Variants in CNPY1 observed in about 807,000 individuals in gnomAD.
CNPY1 encodes canopy FGF signaling regulator 1, also known as protein canopy homolog 1.
A neutral mutation model predicts 14.4 loss-of-function variants in CNPY1; 14 were observed. The ratio of observed to expected loss-of-function variants is 0.97; its 90% CI spans 0.64 to 1.52. The LOEUF (loss-of-function observed/expected upper bound fraction) is 1.52, where lower values mean the gene tolerates loss of function less well. Among genes scored for constraint, CNPY1 ranks in the 40% most tolerant of loss-of-function variants. The probability of loss-of-function intolerance (pLI) is 0.00; values close to 1 mark genes in which losing one functional copy is unlikely to be tolerated. For synonymous variants in CNPY1, 43 were observed against 46.5 expected (o/e 0.92, Z 0.31); for missense variants, 129 against 131.5 (o/e 0.98, Z 0.09).
At chr7:155,527,698 C>T (rs372143396) in intron 2 of CNPY1, among the ~76,000 whole-genome samples, 9 of 152,040 alleles carry the variant, frequency 5.9e-5, no homozygotes, top group African/African-American at 1.9e-4. Context: ...GCTATCCTCC[C>T]GCCTTGGCCT....
chr7:155,518,865 C>G (rs932041909), intron 2 of CNPY1, among the ~76,000 whole-genome samples: 8 of 152,164 alleles, frequency 5.3e-5, no homozygotes, highest in African/African-American at 1.9e-4. Flanking sequence ...TGCGCAGGCA[C>G]ATGCCAGCCA....
intron 2 of CNPY1, among the ~76,000 whole-genome samples, chr7:155,512,039 G>A (rs1244590834): frequency 6.6e-6 from 1 of 152,106 alleles, no homozygotes; most frequent in Non-Finnish European, 1.5e-5. Flanking sequence ...GGCCAATAAG[G>A]ATTGGGACAA....
intron 2 of CNPY1, among the ~76,000 whole-genome samples, chr7:155,523,824 A>G (rs779056187): frequency 5.9e-5 from 9 of 152,190 alleles, no homozygotes; most frequent in Non-Finnish European, 7.3e-5. Context: ...ATGAGATCAT[A>G]TTAGGATAGG....
intron 2 of CNPY1, among the ~76,000 whole-genome samples, chr7:155,524,526 A>G (rs553353298): frequency 6.6e-6 from 1 of 152,266 alleles, no homozygotes; most frequent in Non-Finnish European, 1.5e-5. Flanking sequence ...TAGGAGTGTG[A>G]ACCCTATTGT....
intron 2 of CNPY1, among the ~76,000 whole-genome samples, chr7:155,520,428 C>CTTTTTTTTTTT (rs71522007): frequency 1.4e-4 from 10 of 69,398 alleles, no homozygotes; most frequent in African/African-American, 1.9e-4. Context: ...TTCTTTCTTT[C>CTTTTTTTTTTT]TTTTTTTTTT....
intron 2 of CNPY1, among the ~76,000 whole-genome samples, chr7:155,524,294 TACGA>T (rs1796780251): frequency 6.6e-6 from 1 of 152,190 alleles, no homozygotes; most frequent in East Asian, 1.9e-4. Flanking sequence ...CCCTCCAAGA[TACGA>T]ATGACAAAAG....
intron 2 of CNPY1, among the ~76,000 whole-genome samples, chr7:155,533,095 G>A (rs1796968492): frequency 6.6e-6 from 1 of 152,150 alleles, no homozygotes; most frequent in Non-Finnish European, 1.5e-5. Flanking sequence ...ATCTTCTATT[G>A]CAGTTAGAGT....
At chr7:155,533,118 G>A (rs961112359) in intron 2 of CNPY1, among the ~76,000 whole-genome samples, 1 of 152,144 alleles carries the variant, frequency 6.6e-6, no homozygotes, top group Non-Finnish European at 1.5e-5. Context: ...CCAAGCATAC[G>A]CCGTACAGTG....
intron 2 of CNPY1, among the ~76,000 whole-genome samples, chr7:155,520,596 A>G (rs1334059773): frequency 1.3e-5 from 2 of 151,278 alleles, no homozygotes; most frequent in Admixed American, 1.3e-4. Flanking sequence ...GTCTCTTTTA[A>G]GTCCTTCACG....
chr7:155,526,437 C>G (rs1796820362), intron 2 of CNPY1, among the ~76,000 whole-genome samples: 1 of 152,124 alleles, frequency 6.6e-6, no homozygotes, highest in African/African-American at 2.4e-5. Context: ...GGGAGGTGTC[C>G]ATGGGGGAGA....
intron 2 of CNPY1, among the ~76,000 whole-genome samples, chr7:155,520,601 T>C (rs779677945): frequency 1.2e-4 from 18 of 152,156 alleles, no homozygotes; most frequent in Non-Finnish European, 1.9e-4. Context: ...TTTTAAGTCC[T>C]TCACGTCATT....
intron 2 of CNPY1, among the ~76,000 whole-genome samples, chr7:155,528,271 C>T (rs571033343): frequency 2.4e-4 from 36 of 152,382 alleles, no homozygotes; most frequent in Admixed American, 2.4e-3. Flanking sequence ...GAGCCTTATC[C>T]TCGCCAGCAC....
chr7:155,506,332 G>A (rs991855145), intron 4 of CNPY1, among the ~76,000 whole-genome samples: 6 of 152,154 alleles, frequency 3.9e-5, no homozygotes, highest in Admixed American at 6.5e-5. Flanking sequence ...TCCAAGTTAG[G>A]GGACTAGAAG....
chr7:155,542,345 C>T (rs1797094027), intron 2 of CNPY1, among the ~76,000 whole-genome samples: 1 of 152,126 alleles, frequency 6.6e-6, no homozygotes, highest in Admixed American at 6.5e-5. Context: ...GAGTGACCCC[C>T]CAACCATGGT....
chr7:155,532,429 C>T lies in CNPY1; in HGVS notation c.99+13402G>A, dbSNP rs555922186. Among the ~76,000 whole-genome samples, 55 of 151,050 alleles carry T rather than the reference C, an allele frequency of 3.6e-4. No homozygotes were observed. In the East Asian group the frequency reaches 7.4e-3, roughly 20 times the overall value. On this transcript the variant is annotated intron_variant, in intron 2 of 4. Coordinates refer to ENST00000636446, the MANE Select transcript of CNPY1 (RefSeq NM_001393663.1). ...CAAGGTCAGGAGATCAAGACCATCT[C>T]GGCTAACATGGTGAAACCCGTCTCT...
At chr7:155,507,890 C>A (rs1281942093) in intron 3 of CNPY1, among the ~76,000 whole-genome samples, 1 of 152,188 alleles carries the variant, frequency 6.6e-6, no homozygotes, top group Non-Finnish European at 1.5e-5. Context: ...TTTCTGAGTT[C>A]ATTAAGCAAG....
At chr7:155,506,892 G>A (rs945826429) in intron 4 of CNPY1, 128 bp downstream of exon 4, 1 of 675,448 alleles carries the variant, frequency 1.5e-6, no homozygotes, top group East Asian at 2.7e-5. Context: ...AGCGGAGACG[G>A]GGGATCCTGT....
At chr7:155,542,764 G>A (rs895982230) in intron 2 of CNPY1, among the ~76,000 whole-genome samples, 4 of 152,206 alleles carry the variant, frequency 2.6e-5, no homozygotes, top group African/African-American at 4.8e-5. Context: ...GCAGAGGCCC[G>A]CCTGCGGCCA....
At chr7:155,529,823 C>T (rs747525726) in intron 2 of CNPY1, among the ~76,000 whole-genome samples, 22 of 151,264 alleles carry the variant, frequency 1.5e-4, no homozygotes, top group Non-Finnish European at 2.2e-4. Flanking sequence ...CACTCTGTCG[C>T]GCACGCTGGA....
Sources: gnomAD v4.1 joint callset for allele counts (sites outside exome capture counted in the v4.1 genomes callset) on GRCh38, gnomAD v4.1.1 for gene constraint, MANE v1.5 for transcripts, NCBI Gene and HGNC (gene_info 2026-07-23, HGNC 2026-07-21) for gene names.